The following STIMATE variants were observed in gnomAD, a reference collection of about 807,000 sequenced individuals.
STIMATE encodes store-operated calcium entry regulator STIMATE.
A neutral mutation model predicts 36.7 loss-of-function variants in STIMATE; 15 were observed. The observed-to-expected ratio is 0.41, with a 90% CI of 0.27 to 0.63. The LOEUF (loss-of-function observed/expected upper bound fraction) is 0.63. Ranked by LOEUF, STIMATE falls within the 20% of genes least tolerant of loss-of-function variation. The probability of loss-of-function intolerance (pLI) is 0.32; values close to 1 mark genes in which losing one functional copy is unlikely to be tolerated. For synonymous variants in STIMATE, 163 were observed against 162.3 expected (o/e 1.00, Z -0.03); for missense variants, 305 against 397.3 (o/e 0.77, Z 1.98).
intron 1 of STIMATE, among the ~76,000 whole-genome samples, chr3:52,867,820 T>C (rs1701336413): frequency 6.6e-6 from 1 of 152,192 alleles, no homozygotes; most frequent in Non-Finnish European, 1.5e-5. Context: ...GGTAGGGGAA[T>C]TGACTTGTCC....
chr3:52,879,667 C>T (rs1174555706), intron 1 of STIMATE, among the ~76,000 whole-genome samples: 1 of 152,210 alleles, frequency 6.6e-6, no homozygotes, highest in Admixed American at 6.5e-5. Context: ...CATCTCTCTA[C>T]TTAGATCTCT....
At chr3:52,874,845 AAAT>A (rs947199698) in intron 1 of STIMATE, among the ~76,000 whole-genome samples, 1 of 152,220 alleles carries the variant, frequency 6.6e-6, no homozygotes, top group African/African-American at 2.4e-5. Context: ...CTGTCTCAAA[AAAT>A]AATAATAGAT....
chr3:52,869,944 A>G (rs1160529429), intron 1 of STIMATE, among the ~76,000 whole-genome samples: 3 of 152,230 alleles, frequency 2.0e-5, no homozygotes, highest in Admixed American at 6.5e-5. Context: ...ATAAAACAAT[A>G]TACTTAAGAG....
rs1701705449 is a variant in STIMATE, at chr3:52,887,422, C to A, written c.160+9869G>T. On this transcript the variant is annotated intron_variant, in intron 1 of 7. Coordinates refer to ENST00000355083, the MANE Select transcript of STIMATE (RefSeq NM_198563.5). The stretch of plus-strand genomic sequence containing the variant: ...AGAGGCCTATTCTGTACCACACAGA[C>A]TGGATGTTTGCGGCACAGGAAAAGC... Among the ~76,000 whole-genome samples, 3 of 152,212 alleles carry A rather than the reference C, an allele frequency of 2.0e-5. No homozygotes were observed. In the South Asian group the frequency reaches 6.2e-4, roughly 31 times the overall value.
At chr3:52,875,253 A>C (rs1289709264) in intron 1 of STIMATE, among the ~76,000 whole-genome samples, 3 of 152,204 alleles carry the variant, frequency 2.0e-5, no homozygotes, top group Non-Finnish European at 2.9e-5. Context: ...CTTGACTATA[A>C]AAAGTTTTCT....
At chr3:52,842,524 C>T (rs1322348676) in intron 7 of STIMATE, among the ~76,000 whole-genome samples, 2 of 152,242 alleles carry the variant, frequency 1.3e-5, no homozygotes, top group Non-Finnish European at 2.9e-5. Context: ...GGCAGAACTT[C>T]CCTCTCCTGT....
At chr3:52,861,916 C>T (rs905060333) in intron 1 of STIMATE, among the ~76,000 whole-genome samples, 10 of 152,262 alleles carry the variant, frequency 6.6e-5, no homozygotes, top group East Asian at 1.9e-4. Flanking sequence ...CTCTATCTCC[C>T]GTGGTTCTGT....
chr3:52,892,716 T>C (rs1488665387), intron 1 of STIMATE, among the ~76,000 whole-genome samples: 1 of 152,220 alleles, frequency 6.6e-6, no homozygotes, highest in Admixed American at 6.5e-5. Context: ...CCTTATTAAT[T>C]GCCCAGGGGA....
At chr3:52,872,929 A>G (rs374216621) in intron 1 of STIMATE, among the ~76,000 whole-genome samples, 16 of 152,318 alleles carry the variant, frequency 1.1e-4, no homozygotes, top group East Asian at 9.7e-4. Flanking sequence ...CCCGGCAACC[A>G]TATCTGACCT....
chr3:52,894,896 A>G (rs1012278965), intron 1 of STIMATE, among the ~76,000 whole-genome samples: 2 of 152,230 alleles, frequency 1.3e-5, no homozygotes, highest in Non-Finnish European at 2.9e-5. Flanking sequence ...ACTGCTCAGA[A>G]CAGACTGGTT....
Position 52,844,847 on chromosome 3 carries a change from T to A in STIMATE, c.522A>T (p.Leu174=). The A allele has an allele frequency of 1.2e-6, 2 of 1,613,992 alleles. No individual in the cohort carries two copies. The highest frequency in any genetic ancestry group is 1.7e-6 in the Non-Finnish European group (2 of 1,179,946). The part of the protein sequence containing the change: ...FEKSVVFIVL[L]ILQWKKVALL... ...AGCAAACCTTTTTCCACTGAAGTATTAGGAGGACGATGAAGACGACAGACT... is the reference window on the plus strand; with the variant it reads ...AGCAAACCTTTTTCCACTGAAGTATAAGGAGGACGATGAAGACGACAGACT... The change falls in exon 5 of 8, where the codon CTA becomes CTT. Residue 174 remains leucine (L), a synonymous_variant. Coordinates refer to ENST00000355083, the MANE Select transcript of STIMATE (RefSeq NM_198563.5).
chr3:52,842,251 C>T (rs1700811106), intron 7 of STIMATE, among the ~76,000 whole-genome samples: 1 of 152,198 alleles, frequency 6.6e-6, no homozygotes, highest in Non-Finnish European at 1.5e-5. Flanking sequence ...GCGGGGCCGC[C>T]AGAACACATA....
At chr3:52,897,186 T>C in intron 1 of STIMATE, 105 bp downstream of exon 1, 3 of 1,417,194 alleles carry the variant, frequency 2.1e-6, no homozygotes, top group Non-Finnish European at 2.8e-6. Flanking sequence ...GGAGGAGCAA[T>C]TCGGGTCCCA....
chr3:52,840,564 T>C lies in STIMATE; in HGVS notation c.815A>G (p.Glu272Gly). The C allele has an allele frequency of 6.2e-7, 1 of 1,613,908 alleles. No homozygotes were observed. The highest frequency in any genetic ancestry group is 8.5e-7 in the Non-Finnish European group (1 of 1,179,962). The change falls in exon 8 of 8, where the codon GAG becomes GGG. Residue 272 changes from glutamate (E) to glycine (G), a missense_variant. Transcript: ENST00000355083. The stretch of plus-strand genomic sequence containing the variant: ...GAGGGGGGTCAGTCTGCGGAGGTCC[T>C]CCTCCACGTCGGACTCCTCCATCTC... ...DDEMEESDVE[E>G]DLRRLTPLKP...
At chr3:52,851,096 A>C (rs13080929) in intron 3 of STIMATE, among the ~76,000 whole-genome samples, 16,680 of 152,264 alleles carry the variant, frequency 0.11, 1,082 homozygotes, top group Non-Finnish European at 0.15. Context: ...TGAGAGGAGG[A>C]GGCTCTGAAG....
In STIMATE at chr3:52,839,013, T is replaced by A. The variant is rs1446399139; in HGVS notation, c.*1481A>T. On this transcript the variant is annotated 3_prime_UTR_variant, in exon 8 of 8. Coordinates refer to ENST00000355083, the MANE Select transcript of STIMATE (RefSeq NM_198563.5). ...TTGACAAACCACCAAGCAGTGCCCC[T>A]ACCTTGCTGTTTCCACAGCAGGGAA... is the stretch of plus-strand genomic sequence containing the variant. 6.6e-6 allele frequency: 1 copy of A among 151,914 alleles called. No individual in the cohort carries two copies. Among genetic ancestry groups the A allele is most frequent in the Non-Finnish European group, 1.5e-5 (1 of 68,048 alleles). 9.4% of individuals were successfully genotyped at this position (151,914 alleles called of 1,614,324 possible). A position where few individuals can be genotyped will look rare whatever the true frequency, so the allele number is the denominator to read the frequency against.
chr3:52,895,697 G>A (rs964872583), intron 1 of STIMATE, among the ~76,000 whole-genome samples: 3 of 152,184 alleles, frequency 2.0e-5, no homozygotes, highest in Non-Finnish European at 2.9e-5. Context: ...AATCACAAGT[G>A]TCAAACCCTA....
chr3:52,867,169 G>A (rs1341837076), intron 1 of STIMATE, among the ~76,000 whole-genome samples: 1 of 152,186 alleles, frequency 6.6e-6, no homozygotes, highest in Non-Finnish European at 1.5e-5. Flanking sequence ...AGGGCTCTTG[G>A]CACAAAGCTG....
chr3:52,852,792 C>G (rs1701028769), intron 2 of STIMATE, 94 bp from the exon 3 acceptor site: 1 of 1,460,438 alleles, frequency 6.8e-7, no homozygotes, highest in African/African-American at 1.4e-5. Context: ...AAGAAAGCCA[C>G]CCCAACCTTC....
Sources: allele counts gnomAD v4.1 joint callset (sites outside exome capture counted in the v4.1 genomes callset), GRCh38; gene constraint gnomAD v4.1.1; transcripts MANE v1.5; gene names NCBI Gene and HGNC (gene_info 2026-07-23, HGNC 2026-07-21).